Variants in WDR27 observed in about 807,000 individuals in gnomAD.
WDR27 encodes the protein WD repeat-containing protein 27.
A neutral mutation model predicts 114.4 loss-of-function variants in WDR27; 100 were observed. The ratio of observed to expected loss-of-function variants is 0.87; its 90% CI spans 0.74 to 1.03. The LOEUF is 1.03. Among genes scored for constraint, WDR27 ranks in the 50% least tolerant of loss-of-function variants. The pLI is 0.00. For missense variants in WDR27, 1,129 were observed against 1,092.9 expected, an observed-to-expected ratio of 1.03 and a Z score of -0.47; for synonymous variants, 449 against 423.1, an observed-to-expected ratio of 1.06 and a Z score of -0.75.
chr6:169,530,111 T>C (rs989919873), intron 25 of WDR27, among the ~76,000 whole-genome samples: 1 of 152,234 alleles, frequency 6.6e-6, no homozygotes, highest in Non-Finnish European at 1.5e-5. Flanking sequence ...AATGAGTGTT[T>C]GCAGAGCCGA....
At chr6:169,535,689 A>T (rs796382599) in intron 25 of WDR27, among the ~76,000 whole-genome samples, 14 of 152,288 alleles carry the variant, frequency 9.2e-5, no homozygotes, top group African/African-American at 3.4e-4. Context: ...CCTGTCCAAG[A>T]CCACCCCAGC....
intron 1 of WDR27, among the ~76,000 whole-genome samples, chr6:169,697,447 G>A (rs993444558): frequency 6.6e-6 from 1 of 152,116 alleles, no homozygotes; most frequent in Non-Finnish European, 1.5e-5. Context: ...CTTTCTCCCG[G>A]AGAGTTTAGA....
chr6:169,536,757 G>A (rs1796246629), intron 25 of WDR27, among the ~76,000 whole-genome samples: 1 of 152,122 alleles, frequency 6.6e-6, no homozygotes, highest in Non-Finnish European at 1.5e-5. Flanking sequence ...AATCATTAGA[G>A]GGATACAGCC....
chr6:169,624,018 G>C (rs976931786), intron 21 of WDR27, among the ~76,000 whole-genome samples: 1 of 152,194 alleles, frequency 6.6e-6, no homozygotes, highest in East Asian at 1.9e-4. Context: ...GGGGACATGG[G>C]GCCCTGGAGA....
Position 169,550,414 on chromosome 6 carries a change from ATTATTTATTTAT to A in WDR27, c.2645+21993_2645+22004del, listed in dbSNP as rs990526970. Among the ~76,000 whole-genome samples, 6 of 151,724 alleles carry A rather than the reference ATTATTTATTTAT, an allele frequency of 4.0e-5. No homozygotes were observed. The East Asian group carries it at 1.2e-3, about 29-fold the overall frequency. On this transcript the variant is annotated intron_variant, in intron 25 of 25. Coordinates refer to ENST00000448612, the MANE Select transcript of WDR27 (RefSeq NM_182552.5). The stretch of plus-strand genomic sequence containing the variant: ...TATTTTTATTGTTATTGTATTTTAT[ATTATTTATTTAT>A]TTATTTATTTTGAGATAGGGTATCA...
At chr6:169,503,200 A>G (rs1562503078) in intron 25 of WDR27, among the ~76,000 whole-genome samples, 1 of 152,210 alleles carries the variant, frequency 6.6e-6, no homozygotes, top group Non-Finnish European at 1.5e-5. Context: ...AGGCCTTCAG[A>G]GGACAAGCCT....
intron 23 of WDR27, among the ~76,000 whole-genome samples, chr6:169,584,892 C>A (rs988742466): frequency 2.0e-5 from 3 of 152,142 alleles, no homozygotes; most frequent in African/African-American, 7.2e-5. Context: ...TTGGAGGCAT[C>A]ACACTTGATT....
intron 21 of WDR27, among the ~76,000 whole-genome samples, chr6:169,624,742 T>C (rs765404083): frequency 6.6e-6 from 1 of 152,130 alleles, no homozygotes; most frequent in Non-Finnish European, 1.5e-5. Context: ...GACCGTCAAC[T>C]AGAGCCCTTG....
chr6:169,569,009 G>A (rs888921083), intron 25 of WDR27, among the ~76,000 whole-genome samples: 1 of 152,052 alleles, frequency 6.6e-6, no homozygotes, highest in African/African-American at 2.4e-5. Flanking sequence ...AGGAAGAGAC[G>A]CCGCCCACCC....
chr6:169,584,568 G>A (rs1804183966), intron 23 of WDR27, among the ~76,000 whole-genome samples: 1 of 152,148 alleles, frequency 6.6e-6, no homozygotes, highest in African/African-American at 2.4e-5. Flanking sequence ...CACAACATTT[G>A]CTATCTCTTG....
chr6:169,568,874 AC>A (rs1800911456), intron 25 of WDR27, among the ~76,000 whole-genome samples: 2 of 151,528 alleles, frequency 1.3e-5, no homozygotes, highest in Non-Finnish European at 2.9e-5. Flanking sequence ...CATGCCCCTC[AC>A]CCCTGTGCAA....
chr6:169,683,482 C>G (rs559364927), intron 2 of WDR27, among the ~76,000 whole-genome samples: 68 of 151,896 alleles, frequency 4.5e-4, no homozygotes, highest in Middle Eastern at 6.8e-3. Context: ...TAAGTGATAT[C>G]AGCAAGACGG....
chr6:169,579,958 A>G (rs927136826), intron 24 of WDR27, among the ~76,000 whole-genome samples: 1 of 152,170 alleles, frequency 6.6e-6, no homozygotes, highest in Non-Finnish European at 1.5e-5. Flanking sequence ...AAAATTCTGA[A>G]CAGTTGATCA....
At chr6:169,485,993 G>A (rs1235661960) in intron 25 of WDR27, among the ~76,000 whole-genome samples, 2 of 152,144 alleles carry the variant, frequency 1.3e-5, no homozygotes, top group African/African-American at 2.4e-5. Context: ...ACACTGGGGC[G>A]TATTGAGGGT....
rs116500840 is a variant in WDR27 at position 169,475,282 on chromosome 6, G to A, written c.2646-17648C>T. ...TTTCACCCAGGTGGAGTGCAGTGGC[G>A]CAATCCTGGCTCACTGCAACCTCCA... On this transcript the variant is annotated intron_variant, in intron 25 of 25. Coordinates refer to ENST00000448612, the MANE Select transcript of WDR27 (RefSeq NM_182552.5). 3.4e-3 allele frequency among the ~76,000 whole-genome samples: 525 copies of A among 152,284 alleles called. 3 individuals are homozygous for A. The highest frequency in any genetic ancestry group is 0.012 in the African/African-American group (491 of 41,550).
intron 23 of WDR27, among the ~76,000 whole-genome samples, chr6:169,586,830 A>G (rs1804684418): frequency 8.9e-6 from 1 of 112,398 alleles, no homozygotes; most frequent in Non-Finnish European, 1.8e-5. Context: ...GCCTGGCGAC[A>G]CAGCTAGACT....
At chr6:169,621,111 T>G (rs763915594) in intron 21 of WDR27, among the ~76,000 whole-genome samples, 5 of 151,866 alleles carry the variant, frequency 3.3e-5, no homozygotes, top group African/African-American at 9.7e-5. Flanking sequence ...TTAAATGAAT[T>G]AATTAATAGG....
intron 25 of WDR27, among the ~76,000 whole-genome samples, chr6:169,568,417 G>A (rs954224168): frequency 2.6e-5 from 4 of 152,118 alleles, no homozygotes; most frequent in African/African-American, 7.2e-5. Flanking sequence ...GAAAGGCACA[G>A]CTGAAATGAG....
At position 169,556,217 on chromosome 6, in the gene WDR27, C is replaced by A. The variant is rs553144690; in HGVS notation, c.2645+16202G>T. On this transcript the variant is annotated intron_variant, in intron 25 of 25. Transcript: ENST00000448612. ...GCTGATGATGGCTTCCACCCTGTAGCCAGCAAGGAACTGAAGCCCTCAGTC... is the reference window on the plus strand; with the variant it reads ...GCTGATGATGGCTTCCACCCTGTAGACAGCAAGGAACTGAAGCCCTCAGTC... Among the ~76,000 whole-genome samples the A allele has an allele frequency of 3.2e-4, 48 of 152,268 alleles. No homozygotes were observed. In the South Asian group the frequency reaches 9.7e-3, roughly 31 times the overall value.
Sources: allele counts gnomAD v4.1 joint callset (sites outside exome capture counted in the v4.1 genomes callset), GRCh38; gene constraint gnomAD v4.1.1; transcripts MANE v1.5; gene names NCBI Gene and HGNC (gene_info 2026-07-23, HGNC 2026-07-21).